Variants in ST6GALNAC3 observed in about 807,000 individuals in gnomAD.
The protein encoded by ST6GALNAC3 is ST6 N-acetylgalactosaminide alpha-2,6-sialyltransferase 3, also known as alpha-N-acetylgalactosaminide alpha-2,6-sialyltransferase 3.
ST6GALNAC3 carries 25 observed loss-of-function variants against 32.7 expected under a neutral mutation model. That is an observed-to-expected ratio of 0.76 (90% CI 0.56 to 1.07). ST6GALNAC3 has a LOEUF of 1.07. ST6GALNAC3 is among the 50% of genes least tolerant of loss of function. The pLI, the probability that ST6GALNAC3 is intolerant of heterozygous loss-of-function variation, is 0.00. For synonymous variants in ST6GALNAC3, 129 were observed against 133.1 expected (o/e 0.97, Z 0.21); for missense variants, 355 against 382.4 (o/e 0.93, Z 0.60).
intron 3 of ST6GALNAC3, among the ~76,000 whole-genome samples, chr1:76,584,118 T>C (rs1475222872): frequency 2.6e-5 from 4 of 152,216 alleles, no homozygotes; most frequent in Admixed American, 6.5e-5. Context: ...GCTTTTATTA[T>C]CCCTATCTTT....
chr1:76,366,861 C>T (rs1254043939), intron 2 of ST6GALNAC3, among the ~76,000 whole-genome samples: 1 of 152,138 alleles, frequency 6.6e-6, no homozygotes, highest in Non-Finnish European at 1.5e-5. Flanking sequence ...AATTAAATCT[C>T]GATTCTATAA....
At chr1:76,482,168 ATG>A (rs201952153) in intron 3 of ST6GALNAC3, among the ~76,000 whole-genome samples, 3 of 151,318 alleles carry the variant, frequency 2.0e-5, no homozygotes, top group South Asian at 2.1e-4. Flanking sequence ...ACACACACAC[ATG>A]CACTTCATCT....
At chr1:76,224,158 C>G (rs1375120852) in intron 1 of ST6GALNAC3, among the ~76,000 whole-genome samples, 1 of 152,168 alleles carries the variant, frequency 6.6e-6, no homozygotes, top group African/African-American at 2.4e-5. Context: ...GTCCTTTCCT[C>G]ATCCTTAGCT....
chr1:76,617,649 A>G (rs600746), intron 3 of ST6GALNAC3, among the ~76,000 whole-genome samples: 25,300 of 152,142 alleles, frequency 0.17, 2,610 homozygotes, highest in East Asian at 0.38. Flanking sequence ...AGAGTCAAGG[A>G]TTAGTTGGAA....
chr1:76,252,215 T>C lies in ST6GALNAC3; in HGVS notation c.19-61590T>C, dbSNP rs567110099. On this transcript the variant is annotated intron_variant, in intron 1 of 4. Transcript: ENST00000328299. ...GTTTGGATGGGTGGCTGTATTGTAATAGTCACTTGGACACTGGCTTTAGAA... is the reference window on the plus strand; with the variant it reads ...GTTTGGATGGGTGGCTGTATTGTAACAGTCACTTGGACACTGGCTTTAGAA... 4.4e-4 allele frequency among the ~76,000 whole-genome samples: 67 copies of C among 152,160 alleles called. 1 individual carries two copies. The highest frequency in any genetic ancestry group is 2.2e-4 in the Non-Finnish European group (15 of 68,020).
intron 1 of ST6GALNAC3, among the ~76,000 whole-genome samples, chr1:76,265,330 A>G (rs1353840436): frequency 1.3e-5 from 2 of 152,332 alleles, no homozygotes; most frequent in Admixed American, 1.3e-4. Flanking sequence ...GTACAAGGTC[A>G]TGCCCTAAGC....
intron 1 of ST6GALNAC3, among the ~76,000 whole-genome samples, chr1:76,295,234 T>G (rs144915301): frequency 4.6e-5 from 7 of 152,222 alleles, no homozygotes; most frequent in African/African-American, 1.4e-4. Context: ...ATCAAAGAGC[T>G]TCTTGAAGAT....
At chr1:76,461,989 C>T (rs7413797) in intron 3 of ST6GALNAC3, among the ~76,000 whole-genome samples, 75,368 of 151,902 alleles carry the variant, frequency 0.5, 22,143 homozygotes, top group Non-Finnish European at 0.65. Context: ...GCATGGTCTC[C>T]TCTGGGCAGT....
chr1:76,511,072 A>G (rs1204897997), intron 3 of ST6GALNAC3, among the ~76,000 whole-genome samples: 1 of 151,988 alleles, frequency 6.6e-6, no homozygotes, highest in Non-Finnish European at 1.5e-5. Context: ...ACACATCTCT[A>G]TTTTCCCTCC....
At chr1:76,576,695 GA>G in intron 3 of ST6GALNAC3, 2 of 489,340 alleles carry the variant, frequency 4.1e-6, no homozygotes, top group Non-Finnish European at 6.8e-6. Context: ...TGACATGTCA[GA>G]AAAAATGCCA....
chr1:76,310,083 A>G, intron 1 of ST6GALNAC3: 1 of 444,978 alleles, frequency 2.2e-6, no homozygotes, highest in South Asian at 1.6e-5. Context: ...CAAGAGAACC[A>G]GAGAGCCGTG....
intron 1 of ST6GALNAC3, among the ~76,000 whole-genome samples, chr1:76,265,501 A>G (rs1282465838): frequency 6.6e-6 from 1 of 152,142 alleles, no homozygotes; most frequent in Non-Finnish European, 1.5e-5. Context: ...TCTCAATTTG[A>G]TAGGCTGTAA....
intron 2 of ST6GALNAC3, among the ~76,000 whole-genome samples, chr1:76,395,466 G>C (rs1351197094): frequency 6.6e-6 from 1 of 152,118 alleles, no homozygotes; most frequent in Non-Finnish European, 1.5e-5. Context: ...AAGCAAATCA[G>C]TATATCAAAA....
intron 1 of ST6GALNAC3, among the ~76,000 whole-genome samples, chr1:76,150,588 T>G (rs932198995): frequency 2.0e-5 from 3 of 152,232 alleles, no homozygotes; most frequent in Non-Finnish European, 4.4e-5. Context: ...TGTGGGTAGC[T>G]GTAATTTCCT....
intron 3 of ST6GALNAC3, among the ~76,000 whole-genome samples, chr1:76,498,833 A>G (rs1661010973): frequency 6.6e-6 from 1 of 151,924 alleles, no homozygotes; most frequent in South Asian, 2.1e-4. Context: ...CTGGGAAGAG[A>G]CTCTGCTTTT....
intron 1 of ST6GALNAC3, among the ~76,000 whole-genome samples, chr1:76,223,240 G>A (rs1655879624): frequency 6.6e-6 from 1 of 152,158 alleles, no homozygotes; most frequent in Non-Finnish European, 1.5e-5. Context: ...GTCCTTTGCA[G>A]CAACATGGAT....
chr1:76,553,286 CAA>C (rs1664739924), intron 3 of ST6GALNAC3, among the ~76,000 whole-genome samples: 1 of 152,102 alleles, frequency 6.6e-6, no homozygotes, highest in Non-Finnish European at 1.5e-5. Flanking sequence ...ATAATAGTAA[CAA>C]AAGATATGAA....
intron 3 of ST6GALNAC3, among the ~76,000 whole-genome samples, chr1:76,611,218 T>C (rs925449078): frequency 5.3e-5 from 8 of 151,776 alleles, no homozygotes; most frequent in African/African-American, 1.9e-4. Flanking sequence ...TCTCAGATAC[T>C]TCAATATATT....
At position 76,396,353 on chromosome 1, in the gene ST6GALNAC3, T is replaced by C. The variant is rs1036550883; in HGVS notation, c.214-15655T>C. Among the ~76,000 whole-genome samples, 3 of 152,110 alleles carry C rather than the reference T, an allele frequency of 2.0e-5. No individual in the cohort carries two copies. In the East Asian group the frequency reaches 5.8e-4, roughly 29 times the overall value. On this transcript the variant is annotated intron_variant, in intron 2 of 4. Coordinates refer to ENST00000328299, the MANE Select transcript of ST6GALNAC3 (RefSeq NM_152996.4). ...GGTGGCATGCGCCTGTAGTCCCAGC[T>C]ACTTGGGAGGCTGAGGTGGAAGGAT... is the stretch of plus-strand genomic sequence containing the variant.
Sources: gnomAD v4.1 joint callset for allele counts (sites outside exome capture counted in the v4.1 genomes callset) on GRCh38, gnomAD v4.1.1 for gene constraint, MANE v1.5 for transcripts, NCBI Gene and HGNC (gene_info 2026-07-23, HGNC 2026-07-21) for gene names.